Variants in PDE4D observed in about 807,000 individuals in gnomAD.
PDE4D encodes the protein phosphodiesterase 4D.
A neutral mutation model predicts 87.4 loss-of-function variants in PDE4D; 24 were observed. That is an observed-to-expected ratio of 0.27 (90% CI 0.20 to 0.39). PDE4D has a LOEUF of 0.39. Ranked by LOEUF, PDE4D falls within the 10% of genes least tolerant of loss-of-function variation. The pLI is 1.00. For synonymous variants in PDE4D, 384 were observed against 383.2 expected, an observed-to-expected ratio of 1.00 and a Z score of -0.02; for missense variants, 714 against 1,041.0, an observed-to-expected ratio of 0.69 and a Z score of 4.32.
chr5:60,163,070 C>T (rs907722689), intron 2 of PDE4D, among the ~76,000 whole-genome samples: 5 of 152,090 alleles, frequency 3.3e-5, no homozygotes, highest in African/African-American at 1.2e-4. Context: ...CCCTACCAAA[C>T]TAAAACTCAA....
chr5:59,195,281 G>A (rs1280609197), intron 2 of PDE4D, among the ~76,000 whole-genome samples: 1 of 152,010 alleles, frequency 6.6e-6, no homozygotes. Context: ...AAAAAAAAAG[G>A]TCTTCTGAGG....
intron 1 of PDE4D, among the ~76,000 whole-genome samples, chr5:59,796,796 A>G (rs1351170864): frequency 1.3e-5 from 2 of 152,140 alleles, no homozygotes; most frequent in African/African-American, 2.4e-5. Context: ...TAATATTTAG[A>G]TGCCAAATGT....
rs576304612 is a variant in PDE4D at position 59,520,580 on chromosome 5, C to A, written c.456-304612G>T. 2.6e-5 allele frequency among the ~76,000 whole-genome samples: 4 copies of A among 151,028 alleles called. No individual in the cohort carries two copies. In the East Asian group the frequency reaches 5.8e-4, roughly 22 times the overall value. On this transcript the variant is annotated intron_variant, in intron 1 of 14. Transcript: ENST00000340635. ...GAGGTTCACATTAGAATGGATTTCA[C>A]GTGAAAGAAGTAGAACTAAGAGAAG...
chr5:60,339,366 G>A lies in PDE4D; in HGVS notation c.-90+148576C>T, dbSNP rs1396653834. 2.6e-5 allele frequency among the ~76,000 whole-genome samples: 4 copies of A among 152,024 alleles called. No homozygotes were observed. In the East Asian group the frequency reaches 7.7e-4, roughly 29 times the overall value. On this transcript the variant is annotated intron_variant, in intron 1 of 16. Coordinates refer to the PDE4D transcript ENST00000502484. The stretch of plus-strand genomic sequence containing the variant: ...ATCTGCTAATGAGACGGCTACTAAG[G>A]GACCTCCAGGCGAGTCACATGGACA...
At chr5:59,813,015 C>A (rs922076641) in intron 1 of PDE4D, among the ~76,000 whole-genome samples, 1 of 152,134 alleles carries the variant, frequency 6.6e-6, no homozygotes, top group Non-Finnish European at 1.5e-5. Context: ...GTTGTTTATC[C>A]CTTCTATACC....
intron 1 of PDE4D, among the ~76,000 whole-genome samples, chr5:59,432,668 A>G (rs1001274974): frequency 6.6e-6 from 1 of 152,090 alleles, no homozygotes; most frequent in African/African-American, 2.4e-5. Flanking sequence ...GTGATTGCAT[A>G]CAGTTCCTTG....
chr5:59,243,617 G>T (rs1758164616), intron 1 of PDE4D, among the ~76,000 whole-genome samples: 1 of 151,478 alleles, frequency 6.6e-6, no homozygotes, highest in Admixed American at 6.6e-5. Flanking sequence ...CCACCGCCAT[G>T]CCCAGCTGAT....
chr5:59,554,140 G>T (rs1818533861), intron 1 of PDE4D, among the ~76,000 whole-genome samples: 1 of 152,252 alleles, frequency 6.6e-6, no homozygotes, highest in Admixed American at 6.5e-5. Context: ...AGTCCATAGA[G>T]TTAGGAAGAC....
intron 1 of PDE4D, among the ~76,000 whole-genome samples, chr5:60,306,311 T>C (rs1458006930): frequency 6.6e-6 from 1 of 151,994 alleles, no homozygotes. Flanking sequence ...AATCTAATGA[T>C]GTGTGGTAAA....
chr5:59,668,023 C>T (rs1746363702), intron 1 of PDE4D, among the ~76,000 whole-genome samples: 1 of 152,136 alleles, frequency 6.6e-6, no homozygotes, highest in Non-Finnish European at 1.5e-5. Flanking sequence ...AAATCCTATC[C>T]ATCCTTAAAC....
chr5:59,417,028 A>G (rs962530333), intron 1 of PDE4D, among the ~76,000 whole-genome samples: 1 of 152,170 alleles, frequency 6.6e-6, no homozygotes, highest in Non-Finnish European at 1.5e-5. Flanking sequence ...CACTTTTCGA[A>G]ATATTGTGTA....
chr5:60,435,649 A>G (rs552924728), intron 1 of PDE4D, among the ~76,000 whole-genome samples: 58 of 151,084 alleles, frequency 3.8e-4, no homozygotes, highest in East Asian at 1.6e-3. Flanking sequence ...AATAAATGAG[A>G]GAATTATTTA....
chr5:58,986,193 C>T (rs1561237486), intron 11 of PDE4D, among the ~76,000 whole-genome samples: 1 of 152,206 alleles, frequency 6.6e-6, no homozygotes, highest in Non-Finnish European at 1.5e-5. Flanking sequence ...CCATCCCAGG[C>T]AGGTCACCAG....
intron 1 of PDE4D, among the ~76,000 whole-genome samples, chr5:59,306,199 G>C (rs1056352177): frequency 6.6e-6 from 1 of 152,136 alleles, no homozygotes; most frequent in Non-Finnish European, 1.5e-5. Flanking sequence ...TGTGACACAA[G>C]AATAGCTACC....
chr5:60,437,321 T>C (rs560915220), intron 1 of PDE4D, among the ~76,000 whole-genome samples: 6 of 152,266 alleles, frequency 3.9e-5, no homozygotes, highest in South Asian at 2.1e-4. Context: ...TCTAAGTTTA[T>C]TCATCTGTAA....
At chr5:60,338,210 G>A (rs749806189) in intron 1 of PDE4D, among the ~76,000 whole-genome samples, 21 of 152,096 alleles carry the variant, frequency 1.4e-4, no homozygotes, top group Non-Finnish European at 2.6e-4. Flanking sequence ...AACAGAAACC[G>A]GCCTTGGCTA....
intron 7 of PDE4D, among the ~76,000 whole-genome samples, chr5:58,992,335 GTTCAA>G (rs2153342752): frequency 6.6e-6 from 1 of 152,220 alleles, no homozygotes; most frequent in African/African-American, 2.4e-5. Flanking sequence ...TATTTCCACT[GTTCAA>G]TTCCATTCCT....
intron 1 of PDE4D, among the ~76,000 whole-genome samples, chr5:60,509,549 C>T (rs1269414507): frequency 2.0e-5 from 3 of 152,154 alleles, no homozygotes; most frequent in Non-Finnish European, 4.4e-5. Flanking sequence ...GATCATTTCT[C>T]GCACCTGAGT....
chr5:59,880,501 C>T (rs1468902950), intron 1 of PDE4D, among the ~76,000 whole-genome samples: 3 of 152,100 alleles, frequency 2.0e-5, no homozygotes, highest in African/African-American at 4.8e-5. Context: ...CTAATTTGGT[C>T]GAATCAGTTA....
Sources: allele counts gnomAD v4.1 joint callset (sites outside exome capture counted in the v4.1 genomes callset), GRCh38; gene constraint gnomAD v4.1.1; transcripts MANE v1.5; gene names NCBI Gene and HGNC (gene_info 2026-07-23, HGNC 2026-07-21).